The following BABAM2 variants were observed in gnomAD, a reference collection of about 807,000 sequenced individuals.
The protein encoded by BABAM2 is BRISC and BRCA1 A complex member 2, also known as BRISC and BRCA1-A complex member 2.
A neutral mutation model predicts 54.7 loss-of-function variants in BABAM2; 31 were observed. That is an observed-to-expected ratio of 0.57 (90% CI 0.43 to 0.77). The LOEUF (loss-of-function observed/expected upper bound fraction) is 0.77, where lower values mean the gene tolerates loss of function less well. BABAM2 is among the 30% of genes least tolerant of loss of function. BABAM2 has a pLI of 0.00. For synonymous variants in BABAM2, 167 were observed against 162.9 expected, an observed-to-expected ratio of 1.03 and a Z score of -0.19; for missense variants, 364 against 455.8, an observed-to-expected ratio of 0.80 and a Z score of 1.83.
At chr2:28,324,436 G>A (rs1409084908) in intron 11 of BABAM2, among the ~76,000 whole-genome samples, 2 of 152,038 alleles carry the variant, frequency 1.3e-5, no homozygotes, top group Non-Finnish European at 2.9e-5. Context: ...AGCAGCTCTG[G>A]ATTCATAACT....
At chr2:28,096,388 A>G (rs967565672) in intron 6 of BABAM2, among the ~76,000 whole-genome samples, 1 of 152,152 alleles carries the variant, frequency 6.6e-6, no homozygotes, top group Admixed American at 6.5e-5. Context: ...AAAAAAAAAA[A>G]AAACCATATT....
At chr2:28,030,789 T>C (rs1219563250) in intron 5 of BABAM2, among the ~76,000 whole-genome samples, 2 of 152,158 alleles carry the variant, frequency 1.3e-5, no homozygotes, top group Non-Finnish European at 2.9e-5. Flanking sequence ...TATTATGTCA[T>C]AGTTCTGGAG....
intron 11 of BABAM2, among the ~76,000 whole-genome samples, chr2:28,306,092 G>A (rs1688494456): frequency 2.0e-5 from 3 of 152,252 alleles, no homozygotes; most frequent in South Asian, 4.1e-4. Flanking sequence ...ATCATAACCT[G>A]TATGATTTCA....
At chr2:27,896,124 G>A (rs1015104739) in intron 2 of BABAM2, 8 of 151,970 alleles carry the variant, frequency 5.3e-5, no homozygotes, top group Non-Finnish European at 1.0e-4. Flanking sequence ...TGGACACTAG[G>A]GCAAGTTTGC....
At chr2:28,151,020 C>T (rs990091255) in intron 7 of BABAM2, among the ~76,000 whole-genome samples, 1 of 152,110 alleles carries the variant, frequency 6.6e-6, no homozygotes, top group African/African-American at 2.4e-5. Context: ...CAGAAGGCAG[C>T]GTTCTAATCA....
intron 10 of BABAM2, among the ~76,000 whole-genome samples, chr2:28,293,639 G>A (rs1411718631): frequency 2.6e-5 from 4 of 152,176 alleles, no homozygotes; most frequent in African/African-American, 9.7e-5. Flanking sequence ...CCTTGTGAAT[G>A]CATCCTGTGA....
At chr2:28,196,726 G>A (rs959660980) in intron 7 of BABAM2, among the ~76,000 whole-genome samples, 2 of 150,994 alleles carry the variant, frequency 1.3e-5, no homozygotes, top group Admixed American at 1.3e-4. Context: ...GCTTGTGCCT[G>A]TAGTCCTAGC....
upstream of BABAM2, among the ~76,000 whole-genome samples, chr2:27,888,783 T>C (rs1664614256): frequency 2.5e-5 from 2 of 78,518 alleles, no homozygotes; most frequent in Non-Finnish European, 7.6e-5. Flanking sequence ...ATTTAAAAAA[T>C]GTTGTTAAAA....
intron 2 of BABAM2, among the ~76,000 whole-genome samples, chr2:27,920,137 C>T (rs1667245992): frequency 6.6e-6 from 1 of 152,084 alleles, no homozygotes; most frequent in Admixed American, 6.5e-5. Context: ...CCCCATTCCC[C>T]TGAAAATCAA....
At chr2:27,979,032 C>CTTTT (rs35403760) in intron 3 of BABAM2, among the ~76,000 whole-genome samples, 1 of 139,892 alleles carries the variant, frequency 7.1e-6, no homozygotes, top group Non-Finnish European at 1.5e-5. Context: ...TTCTTTTTTT[C>CTTTT]TTTTTTTTTT....
intron 4 of BABAM2, chr2:28,016,019 A>T (rs1002799872): frequency 2.1e-5 from 13 of 624,354 alleles, no homozygotes; most frequent in African/African-American, 3.7e-5. Flanking sequence ...TTCTTTTTTA[A>T]ATTATCCTTA....
chr2:28,015,503 C>T (rs1032866527), intron 4 of BABAM2, among the ~76,000 whole-genome samples: 20 of 152,076 alleles, frequency 1.3e-4, no homozygotes, highest in African/African-American at 4.8e-4. Context: ...ACCACTAATA[C>T]AACTGCAGTG....
intron 6 of BABAM2, among the ~76,000 whole-genome samples, chr2:28,085,718 T>G (rs1220617345): frequency 1.3e-5 from 2 of 152,214 alleles, no homozygotes; most frequent in Non-Finnish European, 2.9e-5. Context: ...ATAAAAACTT[T>G]AGTGTTTCTA....
chr2:28,138,160 G>A lies in BABAM2; in HGVS notation c.680+8780G>A, dbSNP rs1483479759. Among the ~76,000 whole-genome samples, 9 of 152,178 alleles carry A rather than the reference G, an allele frequency of 5.9e-5. No individual in the cohort carries two copies. The East Asian group carries it at 1.3e-3, about 23-fold the overall frequency. On this transcript the variant is annotated intron_variant, in intron 7 of 11. Transcript: ENST00000379624. ...CTCAGTGGAAGGTCTGAGATGCAAA[G>A]TGCTAGTTAACAAAAACATTGAGCA...
intron 7 of BABAM2, among the ~76,000 whole-genome samples, chr2:28,172,101 G>A (rs895856991): frequency 1.3e-5 from 2 of 151,900 alleles, no homozygotes; most frequent in Admixed American, 6.6e-5. Context: ...GTGTGTGTGT[G>A]TGTGTGTGTG....
At chr2:28,085,497 G>A (rs546757457) in intron 6 of BABAM2, among the ~76,000 whole-genome samples, 1 of 152,100 alleles carries the variant, frequency 6.6e-6, no homozygotes, top group East Asian at 1.9e-4. Flanking sequence ...TGCCTATGTG[G>A]TCAACTTCAT....
At chr2:28,059,904 C>A (rs1678724810) in intron 6 of BABAM2, among the ~76,000 whole-genome samples, 1 of 152,114 alleles carries the variant, frequency 6.6e-6, no homozygotes, top group African/African-American at 2.4e-5. Flanking sequence ...GCACAGATGA[C>A]CTCCCTGGTA....
chr2:27,960,291 A>G (rs1388873781), intron 3 of BABAM2, among the ~76,000 whole-genome samples: 2 of 152,194 alleles, frequency 1.3e-5, no homozygotes, highest in Non-Finnish European at 2.9e-5. Flanking sequence ...CAGACTTCCA[A>G]GCACTATTTT....
At chr2:28,089,234 C>A (rs1665949101) in intron 6 of BABAM2, among the ~76,000 whole-genome samples, 1 of 152,098 alleles carries the variant, frequency 6.6e-6, no homozygotes, top group South Asian at 2.1e-4. Flanking sequence ...GTGATCAAAC[C>A]AACATCCACA....
Sources: allele counts gnomAD v4.1 joint callset (sites outside exome capture counted in the v4.1 genomes callset), GRCh38; gene constraint gnomAD v4.1.1; transcripts MANE v1.5; gene names NCBI Gene and HGNC (gene_info 2026-07-23, HGNC 2026-07-21).